Variants in TSPEAR observed in about 807,000 individuals in gnomAD.
TSPEAR encodes thrombospondin type laminin G domain and EAR repeats, also known as thrombospondin-type laminin G domain and EAR repeat-containing protein.
In TSPEAR, 69 loss-of-function variants were observed where a neutral mutation model predicts 71.6. That is an observed-to-expected ratio of 0.96 (90% CI 0.79 to 1.18). The LOEUF (loss-of-function observed/expected upper bound fraction) is 1.18, where lower values mean the gene tolerates loss of function less well. TSPEAR is among the 50% of genes most tolerant of loss of function. TSPEAR has a pLI of 0.00. For synonymous variants in TSPEAR, 402 were observed against 387.2 expected, an observed-to-expected ratio of 1.04 and a Z score of -0.45; for missense variants, 971 against 894.9, an observed-to-expected ratio of 1.09 and a Z score of -1.09.
At chr21:44,688,871 G>A (rs1226001662) in intron 1 of TSPEAR, among the ~76,000 whole-genome samples, 9 of 152,170 alleles carry the variant, frequency 5.9e-5, no homozygotes, top group African/African-American at 2.2e-4. Flanking sequence ...CTGAAGGTGT[G>A]AGCATGTCAC....
chr21:44,707,583 T>C lies in TSPEAR; in HGVS notation c.82+3850A>G, dbSNP rs572049612. On this transcript the variant is annotated intron_variant, in intron 1 of 11. Coordinates refer to ENST00000323084, the MANE Select transcript of TSPEAR (RefSeq NM_144991.3). Reference sequence around the variant, plus strand: ...AACATTCTTTATTTCCTGATGACCATGGGGGCGGAGCGGGGGAAAAGCCCT... The same window carrying C: ...AACATTCTTTATTTCCTGATGACCACGGGGGCGGAGCGGGGGAAAAGCCCT... Among the ~76,000 whole-genome samples the C allele has an allele frequency of 4.0e-3, 603 of 148,936 alleles. 6 individuals are homozygous for C. The highest frequency in any genetic ancestry group is 0.014 in the African/African-American group (568 of 40,216).
intron 9 of TSPEAR, among the ~76,000 whole-genome samples, chr21:44,513,766 A>G (rs1188039934): frequency 2.6e-5 from 4 of 152,084 alleles, no homozygotes; most frequent in African/African-American, 7.2e-5. Context: ...TGGGAATGCC[A>G]GGGGAGGGGA....
At chr21:44,568,307 T>G (rs1196516188) in intron 1 of TSPEAR, among the ~76,000 whole-genome samples, 1 of 152,126 alleles carries the variant, frequency 6.6e-6, no homozygotes, top group Non-Finnish European at 1.5e-5. Context: ...CCAGGCACTG[T>G]GCAGGGTGAG....
chr21:44,689,749 G>T (rs1265022267), intron 1 of TSPEAR, among the ~76,000 whole-genome samples: 2 of 59,556 alleles, frequency 3.4e-5, no homozygotes, highest in African/African-American at 8.0e-5. Flanking sequence ...ATTTTGGGGG[G>T]GGTTACTAAG....
intron 10 of TSPEAR, chr21:44,508,652 G>A (rs1426313503): frequency 1.6e-5 from 19 of 1,190,484 alleles, no homozygotes; most frequent in South Asian, 3.0e-5. Context: ...GGAGCGTGTC[G>A]GTCTGGAACC....
At chr21:44,591,888 G>T in intron 1 of TSPEAR, 1 of 1,600,346 alleles carries the variant, frequency 6.2e-7, no homozygotes, top group African/African-American at 1.5e-5. Context: ...AGCTGGTGCA[G>T]CCTGATTGGC....
intron 1 of TSPEAR, chr21:44,591,354 G>A (rs782040103): frequency 7.6e-6 from 12 of 1,571,658 alleles, no homozygotes; most frequent in African/African-American, 1.3e-5. Flanking sequence ...TCAGCCCCTG[G>A]TGGGAAGGGA....
At chr21:44,513,455 C>G (rs1300571888) in intron 9 of TSPEAR, among the ~76,000 whole-genome samples, 1 of 152,240 alleles carries the variant, frequency 6.6e-6, no homozygotes, top group African/African-American at 2.4e-5. Flanking sequence ...CCTGCCAAAC[C>G]CTGGCTGGCA....
intron 1 of TSPEAR, among the ~76,000 whole-genome samples, chr21:44,685,319 T>A (rs538066263): frequency 6.6e-6 from 1 of 152,044 alleles, no homozygotes; most frequent in African/African-American, 2.4e-5. Flanking sequence ...GGCCAATCCA[T>A]CGAGAGAACA....
Position 44,698,072 on chromosome 21 carries a change from G to A in TSPEAR, c.82+13361C>T, listed in dbSNP as rs370220794. 132 of 1,119,228 alleles carry A rather than the reference G, an allele frequency of 1.2e-4. 1 individual carries two copies. The highest frequency in any genetic ancestry group is 1.4e-4 in the Non-Finnish European group (112 of 786,008). 69.3% of individuals were successfully genotyped at this position (1,119,228 alleles called of 1,614,324 possible). On this transcript the variant is annotated intron_variant, in intron 1 of 11. Coordinates refer to ENST00000323084, the MANE Select transcript of TSPEAR (RefSeq NM_144991.3). ...GTGTCTGTCTCTTCCTTGGAGATGC[G>A]TGCACAGCCTCTCTTCCCCTAAGCC... is the stretch of plus-strand genomic sequence containing the variant.
intron 1 of TSPEAR, among the ~76,000 whole-genome samples, chr21:44,573,481 T>C (rs587739556): frequency 2.6e-5 from 4 of 152,318 alleles, no homozygotes; most frequent in South Asian, 4.1e-4. Context: ...CCCTCAGCTC[T>C]TCCTCCTGAG....
chr21:44,666,504 G>A, intron 1 of TSPEAR: 1 of 1,612,056 alleles, frequency 6.2e-7, no homozygotes, highest in Non-Finnish European at 8.5e-7. Context: ...GGTGCAGGAG[G>A]GCTGGCAGCA....
intron 1 of TSPEAR, chr21:44,677,724 A>C (rs2838628): frequency 0.058 from 82,168 of 1,424,436 alleles, 2,669 homozygotes; most frequent in Middle Eastern, 0.098. Flanking sequence ...AGGCTGTTTA[A>C]ATTCTTTTGT....
chr21:44,682,020 C>G (rs1986623544), intron 1 of TSPEAR: 1 of 1,609,956 alleles, frequency 6.2e-7, no homozygotes, highest in African/African-American at 1.3e-5. Flanking sequence ...CACGGGCACG[C>G]ACACGGAGGA....
At chr21:44,667,766 C>A (rs587746702) in intron 1 of TSPEAR, among the ~76,000 whole-genome samples, 1 of 152,296 alleles carries the variant, frequency 6.6e-6, no homozygotes, top group East Asian at 1.9e-4. Context: ...GATGTCAACA[C>A]CAGATCACTT....
At chr21:44,530,377 C>T (rs1415652964) in intron 4 of TSPEAR, among the ~76,000 whole-genome samples, 1 of 145,690 alleles carries the variant, frequency 6.9e-6, no homozygotes, top group Non-Finnish European at 1.5e-5. Flanking sequence ...CCCATTCATC[C>T]ATCACTCATC....
At chr21:44,682,244 C>A in intron 1 of TSPEAR, 1 of 1,174,250 alleles carries the variant, frequency 8.5e-7, no homozygotes, top group Non-Finnish European at 1.2e-6. Context: ...CACCTGTTGT[C>A]TTCCTTGTTT....
chr21:44,539,399 C>A, intron 2 of TSPEAR: 1 of 1,601,790 alleles, frequency 6.2e-7, no homozygotes, highest in Non-Finnish European at 8.5e-7. Context: ...AGGGGCACAG[C>A]AGGAGGAGAC....
At chr21:44,599,730 T>C (rs937514821) in intron 1 of TSPEAR, among the ~76,000 whole-genome samples, 5 of 152,218 alleles carry the variant, frequency 3.3e-5, no homozygotes, top group African/African-American at 1.2e-4. Flanking sequence ...TGGATATTAT[T>C]TGCAGAAGAA....
Sources: allele counts gnomAD v4.1 joint callset (sites outside exome capture counted in the v4.1 genomes callset), GRCh38; gene constraint gnomAD v4.1.1; transcripts MANE v1.5; gene names NCBI Gene and HGNC (gene_info 2026-07-23, HGNC 2026-07-21).